Variants in BRIP1 observed in about 807,000 individuals in gnomAD.
BRIP1 encodes the protein Fanconi anemia group J protein.
In BRIP1, 88 loss-of-function variants were observed where a neutral mutation model predicts 119.7. That is an observed-to-expected ratio of 0.74 (90% CI 0.62 to 0.88). The LOEUF is 0.88. Ranked by LOEUF, BRIP1 falls within the 40% of genes least tolerant of loss-of-function variation. The pLI, the probability that BRIP1 is intolerant of heterozygous loss-of-function variation, is 0.00. For synonymous variants in BRIP1, 443 were observed against 496.5 expected (o/e 0.89, Z 1.43); for missense variants, 1,259 against 1,455.4 (o/e 0.87, Z 2.20).
rs1060501756 is a variant in BRIP1 at position 61,684,067 on chromosome 17, G to C, written c.2979C>G (p.Phe993Leu). Reference sequence around the variant, plus strand: ...AGCTAACTCTCTTTGTTTGTTTGTTGAAAGTTGGGCTTGTGGATCTGGAAA... The same window carrying C: ...AGCTAACTCTCTTTGTTTGTTTGTTCAAAGTTGGGCTTGTGGATCTGGAAA... ...IVISRSTSPT[F>L]NKQTKRVSWS... The change falls in exon 20 of 20, where the codon TTC (phenylalanine) becomes TTG (leucine). Residue 993 changes from phenylalanine to leucine, a missense_variant. Coordinates refer to ENST00000259008, the MANE Select transcript of BRIP1 (RefSeq NM_032043.3). This position sits in a 1 kb window ranked among gnomAD's most constrained non-coding sequence, Gnocchi z 4.5. The C allele has an allele frequency of 1.2e-6, 2 of 1,613,574 alleles. No homozygotes were observed. Among genetic ancestry groups the C allele is most frequent in the Non-Finnish European group, 1.7e-6 (2 of 1,179,922 alleles).
In BRIP1 at chr17:61,809,992, A is replaced by G. The variant is rs1027212815; in HGVS notation, c.628-1235T>C. Among the ~76,000 whole-genome samples the G allele has an allele frequency of 2.0e-5, 3 of 152,224 alleles. No individual in the cohort carries two copies. The highest frequency in any genetic ancestry group is 7.2e-5 in the African/African-American group (3 of 41,462). ...ACCTTGTCCGCCATTAAATATTACA[A>G]TACATGATAGAATGGATGTAAATGT... On this transcript the variant is annotated intron_variant, in intron 6 of 19. Coordinates refer to ENST00000259008, the MANE Select transcript of BRIP1 (RefSeq NM_032043.3). This position sits in a 1 kb window ranked among gnomAD's most constrained non-coding sequence, Gnocchi z 5.2.
rs993522422 is a variant in BRIP1 at position 61,804,363 on chromosome 17, A to T, written c.919-2889T>A. ...AACAAAAAACAACCATACATAAAAT[A>T]TATAAATTATATCAGGGATAAAAGA... On this transcript the variant is annotated intron_variant, in intron 7 of 19. Transcript: ENST00000259008. This position sits in a 1 kb window ranked among gnomAD's most constrained non-coding sequence, Gnocchi z 4.5. Among the ~76,000 whole-genome samples, 1 of 152,116 alleles carries T rather than the reference A, an allele frequency of 6.6e-6. No individual in the cohort carries two copies. Among genetic ancestry groups the T allele is most frequent in the African/African-American group, 2.4e-5 (1 of 41,428 alleles).
In BRIP1 at chr17:61,745,157, A is replaced by C. The variant is rs1319408659; in HGVS notation, c.2098-566T>G. On this transcript the variant is annotated intron_variant, in intron 14 of 19. Coordinates refer to ENST00000259008, the MANE Select transcript of BRIP1 (RefSeq NM_032043.3). The surrounding 1 kb of genome is among the most constrained non-coding windows in gnomAD (Gnocchi z 4.4). ...CATTAATAACCTGCATTGAAAAAAG[A>C]TAGAAATAAAGACTCAGCCAAGAAG... 6.6e-6 allele frequency among the ~76,000 whole-genome samples: 1 copy of C among 152,208 alleles called. No homozygotes were observed. Among genetic ancestry groups the C allele is most frequent in the African/African-American group, 2.4e-5 (1 of 41,460 alleles).
At chr17:61,783,099 G>A (rs980071658) in intron 11 of BRIP1, among the ~76,000 whole-genome samples, 1 of 152,088 alleles carries the variant, frequency 6.6e-6, no homozygotes, top group East Asian at 1.9e-4. Context: ...GTACACCAAC[G>A]TTCATAGTAG....
intron 16 of BRIP1, among the ~76,000 whole-genome samples, chr17:61,718,658 C>T (rs2061921097): frequency 6.6e-6 from 1 of 152,144 alleles, no homozygotes; most frequent in Non-Finnish European, 1.5e-5. Context: ...TCAGTGTGAC[C>T]ACTGAGCTCT....
chr17:61,788,798 A>T (rs892270736), intron 10 of BRIP1, among the ~76,000 whole-genome samples: 11 of 152,084 alleles, frequency 7.2e-5, no homozygotes, highest in African/African-American at 2.4e-4. Context: ...TCTACAAAAC[A>T]TAAAAAAAAT....
Position 61,861,658 on chromosome 17 carries a change from A to C in BRIP1, c.-30-89T>G. 1.4e-6 allele frequency: 1 copy of C among 732,274 alleles called. No homozygotes were observed. The allele number at this position is 732,274 out of a possible 1,614,324, so 45.4% of individuals were successfully genotyped here. On this transcript the variant is annotated intron_variant, in intron 1 of 19. Transcript: ENST00000259008. This position sits in a 1 kb window ranked among gnomAD's most constrained non-coding sequence, Gnocchi z 4.5. ...AACTAAGGGAGAAATCTGGAAACAG[A>C]AACTGGAATTAATAAAAGTATAAAC...
intron 10 of BRIP1, among the ~76,000 whole-genome samples, chr17:61,790,081 C>A (rs955416831): frequency 5.3e-5 from 8 of 152,190 alleles, no homozygotes; most frequent in African/African-American, 1.9e-4. Context: ...CCCAGATGTT[C>A]CTTTGTGCCC....
In BRIP1 at chr17:61,689,222, T is replaced by C. The variant is rs1347462895; in HGVS notation, c.2576-3057A>G. Among the ~76,000 whole-genome samples the C allele has an allele frequency of 6.6e-6, 1 of 151,964 alleles. No homozygotes were observed. Among genetic ancestry groups the C allele is most frequent in the African/African-American group, 2.4e-5 (1 of 41,358 alleles). ...CCACACCCGGCTAATTGTCGTATTT[T>C]TAGTAGAGGTGGGGTTTCACCACGT... is the stretch of plus-strand genomic sequence containing the variant. On this transcript the variant is annotated intron_variant, in intron 18 of 19. Coordinates refer to ENST00000259008, the MANE Select transcript of BRIP1 (RefSeq NM_032043.3). The surrounding 1 kb of genome is among the most constrained non-coding windows in gnomAD (Gnocchi z 4.5).
At position 61,860,003 on chromosome 17, in the gene BRIP1, G is replaced by T; in HGVS notation, c.94-96C>A. The T allele has an allele frequency of 1.2e-6, 1 of 829,240 alleles. No individual in the cohort carries two copies. The highest frequency in any genetic ancestry group is 1.9e-5 in the Admixed American group (1 of 51,948). The allele number at this position is 829,240 out of a possible 1,614,324, so 51.4% of individuals were successfully genotyped here. A position where few individuals can be genotyped will look rare whatever the true frequency, so the allele number is the denominator to read the frequency against. ...TAAATAGAACAGCAAGGAAAAGTGA[G>T]ATTGCACTCCAGGGAACACAACAAT... On this transcript the variant is annotated intron_variant, in intron 2 of 19. Coordinates refer to ENST00000259008, the MANE Select transcript of BRIP1 (RefSeq NM_032043.3). This position sits in a 1 kb window ranked among gnomAD's most constrained non-coding sequence, Gnocchi z 4.1.
rs1167266184 is a variant in BRIP1 at position 61,690,329 on chromosome 17, C to A, written c.2575+3101G>T. On this transcript the variant is annotated intron_variant, in intron 18 of 19. Transcript: ENST00000259008. This position sits in a 1 kb window ranked among gnomAD's most constrained non-coding sequence, Gnocchi z 5.6. ...AGTGATACATAAATAATGTTTAATT[C>A]TATACAGAAGTTAAAAGACAAAGTA... Among the ~76,000 whole-genome samples, 1 of 152,000 alleles carries A rather than the reference C, an allele frequency of 6.6e-6. No individual in the cohort carries two copies. The highest frequency in any genetic ancestry group is 1.5e-5 in the Non-Finnish European group (1 of 68,016).
intron 3 of BRIP1, among the ~76,000 whole-genome samples, chr17:61,858,789 A>G (rs938626577): frequency 2.6e-5 from 4 of 152,242 alleles, no homozygotes; most frequent in Admixed American, 2.6e-4. Flanking sequence ...CTAATACTTT[A>G]GGTTAAAGCC....
At position 61,818,201 on chromosome 17, in the gene BRIP1, G is replaced by T. The variant is rs555429847; in HGVS notation, c.628-9444C>A. Among the ~76,000 whole-genome samples the T allele has an allele frequency of 3.5e-4, 52 of 149,688 alleles. No homozygotes were observed. The South Asian group carries it at 0.01, about 30-fold the overall frequency. On this transcript the variant is annotated intron_variant, in intron 6 of 19. Transcript: ENST00000259008. ...GACCTCATCTCTAAAAAGGGGGGAG[G>T]GGGGGGAAAGATGGGCAAGTAGGGT...
At position 61,859,831 on chromosome 17, in the gene BRIP1, A is replaced by C. The variant is rs1435822764; in HGVS notation, c.170T>G (p.Leu57Arg). ...PTGSGKSLAL[L>R]CSALAWQQSL... The stretch of plus-strand genomic sequence containing the variant: ...TTGTTGCCATGCTAAAGCAGAACAA[A>C]GTAAGGCTAAGCTTTTTCCACTTCC... Residue 57 changes from leucine to arginine, a missense_variant, in exon 3 of 20, where the codon CTT becomes CGT. Transcript: ENST00000259008. 1 of 1,613,852 alleles carries C rather than the reference A, an allele frequency of 6.2e-7. No individual in the cohort carries two copies. The highest frequency in any genetic ancestry group is 8.5e-7 in the Non-Finnish European group (1 of 1,179,854).
In BRIP1 at chr17:61,760,558, AAG is replaced by A. The variant is rs564319880; in HGVS notation, c.2097+15841_2097+15842del. 3.3e-5 allele frequency among the ~76,000 whole-genome samples: 5 copies of A among 151,966 alleles called. No individual in the cohort carries two copies. The highest frequency in any genetic ancestry group is 4.1e-4 in the South Asian group (2 of 4,828). On this transcript the variant is annotated intron_variant, in intron 14 of 19. Coordinates refer to ENST00000259008, the MANE Select transcript of BRIP1 (RefSeq NM_032043.3). This position sits in a 1 kb window ranked among gnomAD's most constrained non-coding sequence, Gnocchi z 4.6. Reference sequence around the variant, plus strand: ...CCTTTAGCTAGATTAACAAGAAAAAAAGAGAATATTCAAATAAAATGAGAAAC... The same window carrying A: ...CCTTTAGCTAGATTAACAAGAAAAAAAGAATATTCAAATAAAATGAGAAAC...
chr17:61,690,457 T>G lies in BRIP1; in HGVS notation c.2575+2973A>C, dbSNP rs2061431677. Among the ~76,000 whole-genome samples, 1 of 152,218 alleles carries G rather than the reference T, an allele frequency of 6.6e-6. No homozygotes were observed. Among genetic ancestry groups the G allele is most frequent in the Non-Finnish European group, 1.5e-5 (1 of 68,034 alleles). On this transcript the variant is annotated intron_variant, in intron 18 of 19. Transcript: ENST00000259008. This position sits in a 1 kb window ranked among gnomAD's most constrained non-coding sequence, Gnocchi z 5.6. ...ATGGGAAAAGTAAAAGTGTAGAGTTTATACAACTGAAATGAATTTGTTAGC... is the reference window on the plus strand; with the variant it reads ...ATGGGAAAAGTAAAAGTGTAGAGTTGATACAACTGAAATGAATTTGTTAGC...
rs146768638 is a variant in BRIP1 at position 61,685,758 on chromosome 17, A to G, written c.2905+78T>C. The G allele has an allele frequency of 1.5e-4, 189 of 1,263,486 alleles. No individual in the cohort carries two copies. The African/African-American group carries it at 2.6e-3, about 17-fold the overall frequency. The allele number at this position is 1,263,486 out of a possible 1,614,324, so 78.3% of individuals were successfully genotyped here. Reference sequence around the variant, plus strand: ...ACCACCATATTTAAGGAATTAATCTATACCCAAATAAATATCATTTCACTA... The same window carrying G: ...ACCACCATATTTAAGGAATTAATCTGTACCCAAATAAATATCATTTCACTA... On this transcript the variant is annotated intron_variant, in intron 19 of 19. Coordinates refer to ENST00000259008, the MANE Select transcript of BRIP1 (RefSeq NM_032043.3).
rs986818363 is a variant in BRIP1, at chr17:61,822,587, A to C, written c.628-13830T>G. ...AAAACAGACTGCTCTCACATCTACTATTGTTCAGAATATTAGATTAAGGAA... is the reference window on the plus strand; with the variant it reads ...AAAACAGACTGCTCTCACATCTACTCTTGTTCAGAATATTAGATTAAGGAA... On this transcript the variant is annotated intron_variant, in intron 6 of 19. Coordinates refer to ENST00000259008, the MANE Select transcript of BRIP1 (RefSeq NM_032043.3). This position sits in a 1 kb window ranked among gnomAD's most constrained non-coding sequence, Gnocchi z 4.4. Among the ~76,000 whole-genome samples, 2 of 152,184 alleles carry C rather than the reference A, an allele frequency of 1.3e-5. No homozygotes were observed. Among genetic ancestry groups the C allele is most frequent in the African/African-American group, 4.8e-5 (2 of 41,456 alleles).
At position 61,816,975 on chromosome 17, in the gene BRIP1, C is replaced by T. The variant is rs1292954203; in HGVS notation, c.628-8218G>A. ...AAGTTATTAGGGAACAGAATATTGA[C>T]AAAGTCTCAAAATATCACCCCACAG... On this transcript the variant is annotated intron_variant, in intron 6 of 19. Coordinates refer to ENST00000259008, the MANE Select transcript of BRIP1 (RefSeq NM_032043.3). This position sits in a 1 kb window ranked among gnomAD's most constrained non-coding sequence, Gnocchi z 5.0. Among the ~76,000 whole-genome samples the T allele has an allele frequency of 6.6e-6, 1 of 152,126 alleles. No homozygotes were observed. The highest frequency in any genetic ancestry group is 1.9e-4 in the East Asian group (1 of 5,204).
Sources: allele counts gnomAD v4.1 joint callset (sites outside exome capture counted in the v4.1 genomes callset), GRCh38; gene constraint gnomAD v4.1.1; non-coding constraint Gnocchi (gnomAD v3.1); transcripts MANE v1.5; gene names NCBI Gene and HGNC (gene_info 2026-07-23, HGNC 2026-07-21).